DMXL1: variants seen among roughly 807,000 people sequenced by gnomAD.
DMXL1 encodes the protein dmX-like protein 1.
DMXL1 carries 99 observed loss-of-function variants against 319.2 expected under a neutral mutation model. The ratio of observed to expected loss-of-function variants is 0.31; its 90% confidence interval spans 0.26 to 0.37. The LOEUF (loss-of-function observed/expected upper bound fraction) is 0.37. DMXL1 is among the 10% of genes least tolerant of loss of function. The pLI is 1.00. For synonymous variants in DMXL1, 1,385 were observed against 1,235.2 expected (o/e 1.12, Z -2.54); for missense variants, 3,745 against 3,595.6 (o/e 1.04, Z -1.06).
In DMXL1 at chr5:119,133,797, C is replaced by G. The variant is rs1765433687; in HGVS notation, c.1873C>G (p.Leu625Val). ...FAEESAFSTV[L>V]SISHKSRYCG... ...CGAGGAATCTGCTTTTTCTACTGTT[C>G]TCAGTATTTCCCACAAATCCAGATA... is the stretch of plus-strand genomic sequence containing the variant. The change falls in exon 12 of 44, where the codon CTC (leucine) becomes GTC (valine). Residue 625 changes from leucine (L) to valine (V), a missense_variant. Leu to Val is a conservative substitution (Grantham distance 32). Transcript: ENST00000539542. 6.2e-7 allele frequency: 1 copy of G among 1,614,150 alleles called. No homozygotes were observed. Among genetic ancestry groups the G allele is most frequent in the South Asian group, 1.1e-5 (1 of 91,082 alleles).
chr5:119,130,341 T>G (rs192583368), intron 10 of DMXL1, among the ~76,000 whole-genome samples: 50 of 152,140 alleles, frequency 3.3e-4, no homozygotes, highest in South Asian at 2.7e-3. Flanking sequence ...TGTGTTTTTT[T>G]TTTGTTTGTT....
At chr5:119,136,626 C>G (rs2150067918) in intron 13 of DMXL1, among the ~76,000 whole-genome samples, 1 of 152,364 alleles carries the variant, frequency 6.6e-6, no homozygotes, top group Non-Finnish European at 1.5e-5. Context: ...TCTGTGCAGC[C>G]TTGGGATTCA....
chr5:119,125,856 G>T (rs1044161937), intron 9 of DMXL1, among the ~76,000 whole-genome samples: 17 of 152,048 alleles, frequency 1.1e-4, no homozygotes, highest in African/African-American at 3.6e-4. Flanking sequence ...GAGCCACCGC[G>T]CCTGGCCAAT....
intron 1 of DMXL1, among the ~76,000 whole-genome samples, chr5:119,071,960 T>G (rs1005040300): frequency 1.3e-5 from 2 of 152,162 alleles, no homozygotes; most frequent in Admixed American, 6.5e-5. Flanking sequence ...CTTTGTTGAG[T>G]AACGAGTTGG....
intron 28 of DMXL1, 152 bp downstream of exon 28, chr5:119,178,396 G>T: frequency 1.1e-6 from 1 of 942,066 alleles, no homozygotes; most frequent in Non-Finnish European, 1.5e-6. Flanking sequence ...TGAAAATGCA[G>T]TATTAAAGTT....
chr5:119,191,939 ATTGT>A (rs1778772358), intron 29 of DMXL1, among the ~76,000 whole-genome samples: 1 of 152,208 alleles, frequency 6.6e-6, no homozygotes, highest in African/African-American at 2.4e-5. Flanking sequence ...TGGGTCAACC[ATTGT>A]TTGTTTTCTA....
chr5:119,228,194 T>G (rs1785955441), intron 38 of DMXL1, among the ~76,000 whole-genome samples: 1 of 152,224 alleles, frequency 6.6e-6, no homozygotes, highest in South Asian at 2.1e-4. Flanking sequence ...CACTGTCCAA[T>G]GATAGGATCT....
At chr5:119,223,942 A>G (rs1251139623) in intron 37 of DMXL1, among the ~76,000 whole-genome samples, 7 of 152,126 alleles carry the variant, frequency 4.6e-5, no homozygotes, top group African/African-American at 1.7e-4. Flanking sequence ...CTTTCATTTT[A>G]TCAAATGATA....
chr5:119,162,272 A>G (rs1304256308), intron 19 of DMXL1, among the ~76,000 whole-genome samples: 1 of 152,170 alleles, frequency 6.6e-6, no homozygotes, highest in African/African-American at 2.4e-5. Flanking sequence ...TGGGGGTAAA[A>G]TGGCATTTTC....
chr5:119,183,113 A>C (rs1451602818), intron 28 of DMXL1, among the ~76,000 whole-genome samples: 3 of 152,162 alleles, frequency 2.0e-5, no homozygotes, highest in Admixed American at 1.3e-4. Flanking sequence ...CATGTCATAT[A>C]TTTTTTACTA....
Position 119,101,924 on chromosome 5 carries a change from CTT to C in DMXL1, c.214-7_214-6del. On this transcript the variant is annotated splice_polypyrimidine_tract_variant and intron_variant, in intron 2 of 43. Coordinates refer to ENST00000539542, the MANE Select transcript of DMXL1 (RefSeq NM_001290321.3). ...CATATCCCTAATAAATTCTTTTTTT[CTT>C]TTTAAAAGATTGCAGCGTCTTATGG... The C allele has an allele frequency of 6.4e-7, 1 of 1,569,182 alleles. No homozygotes were observed. Among genetic ancestry groups the C allele is most frequent in the Non-Finnish European group, 8.7e-7 (1 of 1,155,200 alleles).
intron 7 of DMXL1, among the ~76,000 whole-genome samples, chr5:119,117,458 A>G (rs1466258820): frequency 3.9e-5 from 6 of 152,094 alleles, no homozygotes; most frequent in African/African-American, 7.2e-5. Context: ...GCTATAGTGT[A>G]GCTATAGCCA....
At chr5:119,108,725 A>G (rs1033602944) in intron 4 of DMXL1, among the ~76,000 whole-genome samples, 3 of 151,072 alleles carry the variant, frequency 2.0e-5, no homozygotes, top group Non-Finnish European at 4.4e-5. Flanking sequence ...CAGCCTTGAC[A>G]ATACTTTTTG....
rs1790166910 is a variant in DMXL1, at chr5:119,249,092, CATA to C, written c.*1877_*1879del. 6.6e-6 allele frequency: 1 copy of C among 152,436 alleles called. No individual in the cohort carries two copies. Among genetic ancestry groups the C allele is most frequent in the African/African-American group, 2.4e-5 (1 of 41,408 alleles). The allele number at this position is 152,436 out of a possible 1,614,324, so 9.4% of individuals were successfully genotyped here. A position where few individuals can be genotyped will look rare whatever the true frequency, so the allele number is the denominator to read the frequency against. ...GCCCATATGTATTTACATCCAGAGTCATAATATTTTAAATAAACAATCATGCAG... is the reference window on the plus strand; with the variant it reads ...GCCCATATGTATTTACATCCAGAGTCATATTTTAAATAAACAATCATGCAG... On this transcript the variant is annotated 3_prime_UTR_variant, in exon 44 of 44. Coordinates refer to ENST00000539542, the MANE Select transcript of DMXL1 (RefSeq NM_001290321.3).
At chr5:119,189,498 G>A (rs1581227159) in intron 28 of DMXL1, among the ~76,000 whole-genome samples, 1 of 152,146 alleles carries the variant, frequency 6.6e-6, no homozygotes, top group Admixed American at 6.5e-5. Flanking sequence ...AGAGAGTGAG[G>A]GACAAATTGA....
intron 28 of DMXL1, among the ~76,000 whole-genome samples, chr5:119,188,831 T>C (rs1021753963): frequency 6.6e-6 from 1 of 152,254 alleles, no homozygotes; most frequent in African/African-American, 2.4e-5. Context: ...GTCTGCAAGC[T>C]GAGACGCTTC....
At chr5:119,244,791 T>G (rs1428585314) in intron 43 of DMXL1, among the ~76,000 whole-genome samples, 1 of 152,252 alleles carries the variant, frequency 6.6e-6, no homozygotes, top group Non-Finnish European at 1.5e-5. Context: ...TAATTCATAC[T>G]AAAACACCAA....
intron 13 of DMXL1, among the ~76,000 whole-genome samples, chr5:119,142,919 CTTCTTTATGGAGGCCA>C (rs1370649712): frequency 1.3e-4 from 20 of 152,114 alleles, no homozygotes; most frequent in African/African-American, 4.8e-4. Flanking sequence ...CATAAAGCAA[CTTCTTTATGGAGGCCA>C]TTCTTTAAGG....
At chr5:119,096,968 A>T (rs2149776600) in intron 1 of DMXL1, among the ~76,000 whole-genome samples, 1 of 152,326 alleles carries the variant, frequency 6.6e-6, no homozygotes. Context: ...GACAAAAGAC[A>T]TTTAAAAATT....
Sources: allele counts gnomAD v4.1 joint callset (sites outside exome capture counted in the v4.1 genomes callset), GRCh38; gene constraint gnomAD v4.1.1; transcripts MANE v1.5; gene names NCBI Gene and HGNC (gene_info 2026-07-23, HGNC 2026-07-21).